Variants in GCH1 observed in about 807,000 individuals in gnomAD.
The protein encoded by GCH1 is GTP cyclohydrolase I.
A neutral mutation model predicts 25.9 loss-of-function variants in GCH1; 5 were observed. That is an observed-to-expected ratio of 0.19 (90% CI 0.10 to 0.41). The LOEUF (loss-of-function observed/expected upper bound fraction) is 0.41, where lower values mean the gene tolerates loss of function less well. Among genes scored for constraint, GCH1 ranks in the 10% least tolerant of loss-of-function variants. GCH1 has a pLI of 1.00. For missense variants in GCH1, 261 were observed against 336.5 expected, an observed-to-expected ratio of 0.78 and a Z score of 1.75; for synonymous variants, 159 against 129.6, an observed-to-expected ratio of 1.23 and a Z score of -1.54.
At chr14:54,901,817 G>A (rs752039092) in intron 1 of GCH1, among the ~76,000 whole-genome samples, 1 of 152,096 alleles carries the variant, frequency 6.6e-6, no homozygotes, top group South Asian at 2.1e-4. Context: ...AAATCAGTGG[G>A]AATGCAGGTC....
chr14:54,872,250 C>T (rs539701240), intron 1 of GCH1, among the ~76,000 whole-genome samples: 2 of 152,136 alleles, frequency 1.3e-5, no homozygotes, highest in South Asian at 2.1e-4. Flanking sequence ...CCAAACTAAG[C>T]TTCATAAGTG....
chr14:54,866,746 G>A (rs1048197166), intron 1 of GCH1, among the ~76,000 whole-genome samples: 14 of 152,048 alleles, frequency 9.2e-5, no homozygotes, highest in African/African-American at 3.4e-4. Context: ...AAGTCATCAC[G>A]TAAACCACAG....
chr14:54,885,349 TGG>T, intron 1 of GCH1: 1 of 263,096 alleles, frequency 3.8e-6, no homozygotes, highest in Non-Finnish European at 7.8e-6. Flanking sequence ...CACATTGCTC[TGG>T]GGGGCTGTGA....
chr14:54,844,287 G>A, intron 5 of GCH1, 144 bp from the exon 6 acceptor site: 1 of 744,966 alleles, frequency 1.3e-6, no homozygotes, highest in Admixed American at 1.8e-5. Context: ...TATCTATTAG[G>A]TTCATGCAAA....
At chr14:54,866,265 G>A (rs998784300) in intron 1 of GCH1, among the ~76,000 whole-genome samples, 4 of 152,090 alleles carry the variant, frequency 2.6e-5, no homozygotes, top group Non-Finnish European at 5.9e-5. Context: ...CCTGGATGCT[G>A]AAGAGGGATA....
chr14:54,845,489 A>G (rs1223950114), intron 5 of GCH1, among the ~76,000 whole-genome samples: 1 of 151,814 alleles, frequency 6.6e-6, no homozygotes, highest in African/African-American at 2.4e-5. Context: ...AAAAAAAAAA[A>G]GGCTATTGAT....
At chr14:54,883,235 G>A (rs2040296982) in intron 1 of GCH1, among the ~76,000 whole-genome samples, 1 of 151,780 alleles carries the variant, frequency 6.6e-6, no homozygotes, top group East Asian at 1.9e-4. Flanking sequence ...AGCCGGGCAC[G>A]GTGGCGCGTG....
At chr14:54,859,847 A>G in intron 2 of GCH1, 111 bp from the exon 3 acceptor site, 1 of 712,852 alleles carries the variant, frequency 1.4e-6, no homozygotes, top group Non-Finnish European at 2.6e-6. Context: ...ATTTATCACG[A>G]CAATGTATTA....
At chr14:54,885,567 A>G in intron 1 of GCH1, 1 of 391,460 alleles carries the variant, frequency 2.6e-6, no homozygotes, top group Non-Finnish European at 4.9e-6. Flanking sequence ...GTGAGGGATG[A>G]ATCCCTGATG....
chr14:54,878,880 T>A (rs1394844469), intron 1 of GCH1, among the ~76,000 whole-genome samples: 6 of 152,110 alleles, frequency 3.9e-5, no homozygotes, highest in Admixed American at 2.0e-4. Context: ...CCTCCCACCT[T>A]GGCCTCCCCA....
chr14:54,892,625 G>A (rs1165446723), intron 1 of GCH1, among the ~76,000 whole-genome samples: 1 of 151,866 alleles, frequency 6.6e-6, no homozygotes, highest in Non-Finnish European at 1.5e-5. Flanking sequence ...GGGGACAGAG[G>A]TTGCAGTGAG....
At chr14:54,877,600 C>T (rs2040181388) in intron 1 of GCH1, among the ~76,000 whole-genome samples, 1 of 152,010 alleles carries the variant, frequency 6.6e-6, no homozygotes, top group Non-Finnish European at 1.5e-5. Context: ...CTCAGGTGAT[C>T]CTCCCACCTC....
Position 54,847,079 on chromosome 14 carries a change from T to C in GCH1, c.541+20A>G. The C allele has an allele frequency of 1.1e-6, 1 of 882,404 alleles. No individual in the cohort carries two copies. The highest frequency in any genetic ancestry group is 1.8e-6 in the Non-Finnish European group (1 of 547,582). 54.7% of individuals were successfully genotyped at this position (882,404 alleles called of 1,614,324 possible). A position where few individuals can be genotyped will look rare whatever the true frequency, so the allele number is the denominator to read the frequency against. ...AAAAAAGAAAAATGTTTTCTGTTAA[T>C]ACAGATTTTTAAAGCTTACCTTGTA... On this transcript the variant is annotated intron_variant, in intron 4 of 5. Coordinates refer to ENST00000491895, the MANE Select transcript of GCH1 (RefSeq NM_000161.3).
At position 54,902,176 on chromosome 14, in the gene GCH1, G is replaced by A. The variant is rs2040576099; in HGVS notation, c.343+145C>T. ...CACGCAGGGCCTCGGCAGGGCGGCA[G>A]GCTAGGGCGGGTTCGGAGGTGACAG... On this transcript the variant is annotated intron_variant, in intron 1 of 5. Coordinates refer to ENST00000491895, the MANE Select transcript of GCH1 (RefSeq NM_000161.3). 2.8e-5 allele frequency: 24 copies of A among 865,222 alleles called. No individual in the cohort carries two copies. The East Asian group carries it at 6.3e-4, about 23-fold the overall frequency. The allele number at this position is 865,222 out of a possible 1,614,324, so 53.6% of individuals were successfully genotyped here.
intron 1 of GCH1, among the ~76,000 whole-genome samples, chr14:54,886,567 G>C (rs566563079): frequency 3.9e-5 from 6 of 152,140 alleles, no homozygotes; most frequent in African/African-American, 1.4e-4. Flanking sequence ...AGCCGAGATC[G>C]CGCCACTGCA....
intron 2 of GCH1, among the ~76,000 whole-genome samples, chr14:54,862,546 TAA>T (rs1165701342): frequency 3.3e-5 from 5 of 150,896 alleles, no homozygotes; most frequent in African/African-American, 1.2e-4. Flanking sequence ...CCATGCTAGC[TAA>T]TTTTTGCCTG....
intron 2 of GCH1, among the ~76,000 whole-genome samples, chr14:54,860,580 G>A (rs900394022): frequency 4.4e-5 from 6 of 135,940 alleles, no homozygotes; most frequent in East Asian, 4.3e-4. Context: ...TCACTCTGTC[G>A]CCCAGGCTGG....
At chr14:54,876,611 C>G (rs986137366) in intron 1 of GCH1, among the ~76,000 whole-genome samples, 1 of 152,092 alleles carries the variant, frequency 6.6e-6, no homozygotes, top group Non-Finnish European at 1.5e-5. Flanking sequence ...CTGCAGTGAG[C>G]TATGATTACA....
At chr14:54,885,248 A>G (rs2040334657) in intron 1 of GCH1, 10 of 214,264 alleles carry the variant, frequency 4.7e-5, no homozygotes, top group Admixed American at 3.9e-4. Context: ...TGCCATAGAC[A>G]TGGCTGCAGC....
Sources: gnomAD v4.1 joint callset for allele counts (sites outside exome capture counted in the v4.1 genomes callset) on GRCh38, gnomAD v4.1.1 for gene constraint, MANE v1.5 for transcripts, NCBI Gene and HGNC (gene_info 2026-07-23, HGNC 2026-07-21) for gene names.